GALNT17: variants seen among roughly 807,000 people sequenced by gnomAD.
The protein encoded by GALNT17 is UDP-GalNAc:polypeptide N-acetylgalactosaminyltransferase-like 3.
A neutral mutation model predicts 63.7 loss-of-function variants in GALNT17; 29 were observed. The observed-to-expected ratio is 0.46, with a 90% CI of 0.34 to 0.62. The LOEUF (loss-of-function observed/expected upper bound fraction) is 0.62. Among genes scored for constraint, GALNT17 ranks in the 20% least tolerant of loss-of-function variants. The probability of loss-of-function intolerance (pLI) is 0.01; values close to 1 mark genes in which losing one functional copy is unlikely to be tolerated. For synonymous variants in GALNT17, 305 were observed against 318.3 expected (o/e 0.96, Z 0.45); for missense variants, 603 against 799.6 (o/e 0.75, Z 2.97).
At chr7:71,617,153 A>G (rs989681212) in intron 6 of GALNT17, among the ~76,000 whole-genome samples, 2 of 149,904 alleles carry the variant, frequency 1.3e-5, no homozygotes, top group Non-Finnish European at 1.5e-5. Context: ...TTACTTATTC[A>G]TTTGCATTTC....
At chr7:71,330,750 T>C (rs1235080354) in intron 1 of GALNT17, among the ~76,000 whole-genome samples, 1 of 152,232 alleles carries the variant, frequency 6.6e-6, no homozygotes, top group Non-Finnish European at 1.5e-5. Context: ...TCTCAGTCTC[T>C]TGAAGTCTTG....
chr7:71,199,052 A>G (rs10260271), intron 1 of GALNT17, among the ~76,000 whole-genome samples: 14,141 of 152,104 alleles, frequency 0.093, 822 homozygotes, highest in East Asian at 0.21. Flanking sequence ...GAGAACCTCT[A>G]TGTGGCCGCG....
At chr7:71,653,471 T>TG (rs1162212963) in intron 6 of GALNT17, among the ~76,000 whole-genome samples, 2 of 151,970 alleles carry the variant, frequency 1.3e-5, no homozygotes, top group Non-Finnish European at 2.9e-5. Context: ...AATGGTGTAA[T>TG]CTCAGCTTAT....
chr7:71,568,045 G>A (rs1040267041), intron 5 of GALNT17, among the ~76,000 whole-genome samples: 2 of 152,196 alleles, frequency 1.3e-5, no homozygotes, highest in Non-Finnish European at 2.9e-5. Flanking sequence ...CCACCTAATA[G>A]CTTCCTGGTG....
chr7:71,390,162 C>A (rs1793023859), intron 3 of GALNT17, among the ~76,000 whole-genome samples: 1 of 152,164 alleles, frequency 6.6e-6, no homozygotes, highest in Non-Finnish European at 1.5e-5. Context: ...AGGCTAAACC[C>A]CTTCCTTTCA....
At chr7:71,150,885 A>G in intron 1 of GALNT17, among the ~76,000 whole-genome samples, 1 of 150,758 alleles carries the variant, frequency 6.6e-6, no homozygotes. Context: ...GTGTGCCTGT[A>G]GTCCCAGCTA....
intron 5 of GALNT17, among the ~76,000 whole-genome samples, chr7:71,530,781 G>C (rs1020667678): frequency 1.3e-5 from 2 of 151,864 alleles, no homozygotes; most frequent in Non-Finnish European, 2.9e-5. Context: ...TGTTAGCCAG[G>C]ATGGTCTCGA....
At chr7:71,420,696 A>G (rs1786646138) in intron 4 of GALNT17, among the ~76,000 whole-genome samples, 1 of 152,132 alleles carries the variant, frequency 6.6e-6, no homozygotes, top group Non-Finnish European at 1.5e-5. Flanking sequence ...ACAAGGGGAA[A>G]GGGGTGCGCT....
chr7:71,555,488 A>G (rs1396961221), intron 5 of GALNT17, among the ~76,000 whole-genome samples: 1 of 147,840 alleles, frequency 6.8e-6, no homozygotes, highest in Non-Finnish European at 1.5e-5. Flanking sequence ...CAAACCATTC[A>G]TGAGGGGTCT....
chr7:71,439,881 T>C (rs1197989726), intron 5 of GALNT17, among the ~76,000 whole-genome samples: 3 of 152,026 alleles, frequency 2.0e-5, no homozygotes, highest in East Asian at 1.9e-4. Flanking sequence ...CTCCAGCTCT[T>C]ATTTTGGTAG....
At chr7:71,216,581 TACAC>T (rs906056895) in intron 1 of GALNT17, among the ~76,000 whole-genome samples, 27 of 128,110 alleles carry the variant, frequency 2.1e-4, no homozygotes, top group African/African-American at 1.6e-4. Flanking sequence ...CACACACAAA[TACAC>T]ACACATACAT....
At chr7:71,467,757 G>A (rs1425228261) in intron 5 of GALNT17, among the ~76,000 whole-genome samples, 1 of 151,350 alleles carries the variant, frequency 6.6e-6, no homozygotes, top group Non-Finnish European at 1.5e-5. Flanking sequence ...CAGGGAACAT[G>A]GAAAGGCAAA....
At chr7:71,546,531 A>G (rs1398696619) in intron 5 of GALNT17, among the ~76,000 whole-genome samples, 3 of 152,178 alleles carry the variant, frequency 2.0e-5, no homozygotes, top group Non-Finnish European at 4.4e-5. Context: ...TGATTAGAGT[A>G]GATTTTCTGA....
At chr7:71,445,638 G>A (rs1787148636) in intron 5 of GALNT17, among the ~76,000 whole-genome samples, 1 of 152,190 alleles carries the variant, frequency 6.6e-6, no homozygotes, top group African/African-American at 2.4e-5. Context: ...TGCAAGGTAG[G>A]AGACTGTAAA....
chr7:71,220,677 C>A (rs960341825), intron 1 of GALNT17, among the ~76,000 whole-genome samples: 4 of 152,020 alleles, frequency 2.6e-5, no homozygotes, highest in Admixed American at 6.6e-5. Context: ...ACTGGGGTGG[C>A]CCTTAATCCA....
intron 5 of GALNT17, among the ~76,000 whole-genome samples, chr7:71,564,233 T>C (rs1344739791): frequency 6.6e-6 from 1 of 151,886 alleles, no homozygotes; most frequent in Non-Finnish European, 1.5e-5. Context: ...TAAGCAGATT[T>C]TGATCGTGAC....
chr7:71,294,002 A>G (rs1791031474), intron 1 of GALNT17, among the ~76,000 whole-genome samples: 1 of 152,136 alleles, frequency 6.6e-6, no homozygotes, highest in African/African-American at 2.4e-5. Flanking sequence ...TACTAAAAAT[A>G]CAAAAAGAAA....
chr7:71,165,427 T>A (rs976040903), intron 1 of GALNT17, among the ~76,000 whole-genome samples: 1 of 152,146 alleles, frequency 6.6e-6, no homozygotes, highest in Non-Finnish European at 1.5e-5. Context: ...CTCACAAACA[T>A]GGCAGAAGGT....
chr7:71,144,297 C>T (rs911638029), intron 1 of GALNT17, among the ~76,000 whole-genome samples: 9 of 152,122 alleles, frequency 5.9e-5, no homozygotes, highest in East Asian at 3.9e-4. Flanking sequence ...CAGCAACCCC[C>T]GAGGGTGGAT....
Sources: allele counts gnomAD v4.1 joint callset (sites outside exome capture counted in the v4.1 genomes callset), GRCh38; gene constraint gnomAD v4.1.1; transcripts MANE v1.5; gene names NCBI Gene and HGNC (gene_info 2026-07-23, HGNC 2026-07-21).